Variants in TCERG1 observed in about 807,000 individuals in gnomAD.
TCERG1 encodes the protein transcription elongation regulator 1.
A neutral mutation model predicts 144.7 loss-of-function variants in TCERG1; 37 were observed. The observed-to-expected ratio is 0.26, with a 90% confidence interval of 0.20 to 0.34. The LOEUF is 0.34. Among genes scored for constraint, TCERG1 ranks in the 10% least tolerant of loss-of-function variants. The probability of loss-of-function intolerance (pLI) is 1.00; values close to 1 mark genes in which losing one functional copy is unlikely to be tolerated. For missense variants in TCERG1, 1,027 were observed against 1,380.7 expected (o/e 0.74, Z 4.06); for synonymous variants, 492 against 458.2 (o/e 1.07, Z -0.94).
rs1351145946 is a variant in TCERG1 at position 146,498,615 on chromosome 5, G to A, written c.2362G>A (p.Ala788Thr). The change falls in exon 17 of 23, where the codon GCC becomes ACC. Residue 788 changes from alanine to threonine, a missense_variant. This residue lies in a region of TCERG1 where 482 missense variants were observed against 632.6 expected (regional missense o/e 0.76). Coordinates refer to ENST00000679501, the MANE Select transcript of TCERG1 (RefSeq NM_001382548.1). ...KAIEKMKDRE[A>T]LFNEFVAAAR... ...AATTGAAAAGATGAAAGACCGAGAA[G>A]CCTTGTTTAATGAGTTTGTGGCCGC... The A allele has an allele frequency of 1.2e-6, 2 of 1,612,274 alleles. No homozygotes were observed. The highest frequency in any genetic ancestry group is 1.3e-5 in the African/African-American group (1 of 74,828).
intron 1 of TCERG1, among the ~76,000 whole-genome samples, chr5:146,451,662 G>A (rs1042728318): frequency 3.3e-5 from 5 of 150,534 alleles, no homozygotes; most frequent in Non-Finnish European, 7.4e-5. Context: ...TCTAACCTTT[G>A]GATTGTAGGA....
chr5:146,467,064 T>TTGA (rs772981832), intron 5 of TCERG1, among the ~76,000 whole-genome samples: 4 of 152,210 alleles, frequency 2.6e-5, no homozygotes, highest in Non-Finnish European at 4.4e-5. Flanking sequence ...ACATATAACT[T>TTGA]TATTCAACAT....
At position 146,509,243 on chromosome 5, in the gene TCERG1, T is replaced by C. The variant is rs773483715; in HGVS notation, c.3144T>C (p.Tyr1048=). 3.1e-6 allele frequency: 5 copies of C among 1,597,248 alleles called. No individual in the cohort carries two copies. Among genetic ancestry groups the C allele is most frequent in the East Asian group, 2.2e-5 (1 of 44,622 alleles). Residue 1048 remains tyrosine (Y), a splice_region_variant and synonymous_variant, in exon 22 of 23, where the codon TAT becomes TAC. Coordinates refer to ENST00000679501, the MANE Select transcript of TCERG1 (RefSeq NM_001382548.1). The part of the protein sequence containing the change: ...TLLKETKFIT[Y]RSKKLIQESD... The stretch of plus-strand genomic sequence containing the variant: ...TGAAAGAGACCAAATTTATAACATA[T>C]AGGTGTGTGCAATGAAATGTTTCAT...
rs888480074 is a variant in TCERG1, at chr5:146,503,522, A to G, written c.2581A>G (p.Ile861Val). ...GAGAGAAGACCTTTTCAAACAGTAC[A>G]TTGAAAAAATAGCCAAGGTAACTGT... The part of the protein sequence containing the change: ...SMREDLFKQY[I>V]EKIAKNLDSE... Residue 861 changes from isoleucine (I) to valine (V), a missense_variant, in exon 18 of 23, where the codon ATT (isoleucine) becomes GTT (valine). Ile to Val is a conservative substitution (Grantham distance 29, BLOSUM62 3). This residue lies in a region of TCERG1 where 482 missense variants were observed against 632.6 expected (regional missense o/e 0.76). Transcript: ENST00000679501. 3.1e-6 allele frequency: 5 copies of G among 1,613,478 alleles called. No homozygotes were observed. Among genetic ancestry groups the G allele is most frequent in the East Asian group, 2.2e-5 (1 of 44,836 alleles).
Position 146,452,987 on chromosome 5 carries a change from A to G in TCERG1, c.60-2069A>G, listed in dbSNP as rs1309252260. On this transcript the variant is annotated intron_variant, in intron 1 of 22. Coordinates refer to ENST00000679501, the MANE Select transcript of TCERG1 (RefSeq NM_001382548.1). Reference sequence around the variant, plus strand: ...CTATAAACTGAGATTAATAGTATCCATCTCATTGGGTTGTTTTGATGATTA... The same window carrying G: ...CTATAAACTGAGATTAATAGTATCCGTCTCATTGGGTTGTTTTGATGATTA... 2.0e-5 allele frequency among the ~76,000 whole-genome samples: 3 copies of G among 152,188 alleles called. No homozygotes were observed. The East Asian group carries it at 5.8e-4, about 29-fold the overall frequency.
rs1761951170 is a variant in TCERG1, at chr5:146,447,423, C to T, written c.59+15C>T. ...GGGGAGCTCAGGTAAGGAACGCTGC[C>T]CTCCTTCACATCTCTGCTCACGAGA... On this transcript the variant is annotated intron_variant, in intron 1 of 22. Transcript: ENST00000679501. 1.2e-6 allele frequency: 2 copies of T among 1,609,560 alleles called. No homozygotes were observed. The highest frequency in any genetic ancestry group is 2.2e-5 in the South Asian group (2 of 90,270).
Position 146,507,283 on chromosome 5 carries a change from G to A in TCERG1, c.2961+76G>A. The stretch of plus-strand genomic sequence containing the variant: ...ATTTCTTAAAGCAAAGCATTGATAT[G>A]ATTTTTAGTGTCATGGTCTTTAGAT... On this transcript the variant is annotated intron_variant, in intron 20 of 22. Transcript: ENST00000679501. This position sits in a 1 kb window ranked among gnomAD's most constrained non-coding sequence, Gnocchi z 4.6. The A allele has an allele frequency of 7.4e-7, 1 of 1,348,940 alleles. No individual in the cohort carries two copies. Among genetic ancestry groups the A allele is most frequent in the Non-Finnish European group, 1.0e-6 (1 of 1,000,552 alleles). The allele number at this position is 1,348,940 out of a possible 1,614,324, so 83.6% of individuals were successfully genotyped here. A position where few individuals can be genotyped will look rare whatever the true frequency, so the allele number is the denominator to read the frequency against.
intron 10 of TCERG1, 75 bp from the exon 11 acceptor site, chr5:146,479,780 A>ATT: frequency 7.0e-7 from 1 of 1,432,470 alleles, no homozygotes; most frequent in South Asian, 1.2e-5. Context: ...TTATGTAAAC[A>ATT]GTAATTTTTA....
At chr5:146,479,422 AC>A (rs1256666612) in intron 10 of TCERG1, among the ~76,000 whole-genome samples, 1 of 152,168 alleles carries the variant, frequency 6.6e-6, no homozygotes, top group East Asian at 1.9e-4. Context: ...TGCTGAAGGT[AC>A]TAGGCTCACC....
At chr5:146,459,472 C>G (rs2150271287) in intron 4 of TCERG1, 135 bp downstream of exon 4, 2 of 1,453,894 alleles carry the variant, frequency 1.4e-6, no homozygotes, top group Non-Finnish European at 1.8e-6. Context: ...ATTTTTGACA[C>G]TAAAACTTTT....
Position 146,507,326 on chromosome 5 carries a change from C to CTT in TCERG1, c.2961+120_2961+121dup, listed in dbSNP as rs1768096102. ...CTTTAGATTCATTACTGGAATGCAT[C>CTT]TTATGACAATTCTCTGATTTTAAAA... is the stretch of plus-strand genomic sequence containing the variant. On this transcript the variant is annotated intron_variant, in intron 20 of 22. Coordinates refer to ENST00000679501, the MANE Select transcript of TCERG1 (RefSeq NM_001382548.1). The surrounding 1 kb of genome is among the most constrained non-coding windows in gnomAD (Gnocchi z 4.6). 2.2e-6 allele frequency: 2 copies of CTT among 910,612 alleles called. No homozygotes were observed. Among genetic ancestry groups the CTT allele is most frequent in the Non-Finnish European group, 3.2e-6 (2 of 632,206 alleles). The allele number at this position is 910,612 out of a possible 1,614,324, so 56.4% of individuals were successfully genotyped here. A position where few individuals can be genotyped will look rare whatever the true frequency, so the allele number is the denominator to read the frequency against.
chr5:146,464,951 T>C (rs1763644826), intron 5 of TCERG1, among the ~76,000 whole-genome samples: 1 of 152,206 alleles, frequency 6.6e-6, no homozygotes, highest in East Asian at 1.9e-4. Context: ...TCAGGTTTTT[T>C]TTTTAATTTG....
chr5:146,493,013 A>G lies in TCERG1; in HGVS notation c.2257A>G (p.Met753Val). ...AGCCAAGGAAGATTTCAAAAAAATG[A>G]TGGAAGAAGCAAAATTTAATCCAAG... ...MQAKEDFKKM[M>V]EEAKFNPRAT... is the part of the protein sequence containing the mutation. Residue 753 changes from methionine (M) to valine (V), a missense_variant, in exon 16 of 23, where the codon ATG becomes GTG. By Grantham distance (21) the Met-to-Val change is conservative. Transcript: ENST00000679501. 1.2e-6 allele frequency: 2 copies of G among 1,604,962 alleles called. No homozygotes were observed. The highest frequency in any genetic ancestry group is 1.1e-5 in the South Asian group (1 of 88,848).
chr5:146,455,162 A>T lies in TCERG1; in HGVS notation c.166A>T (p.Met56Leu). The part of the protein sequence containing the change: ...LMRPPPPFGM[M>L]RGPPPPPRPP... The stretch of plus-strand genomic sequence containing the variant: ...GCGACCTCCTCCACCTTTTGGTATG[A>T]TGCGAGGCCCTCCTCCACCACCACG... Residue 56 changes from methionine (M) to leucine (L), a missense_variant, in exon 2 of 23, where the codon ATG (methionine) becomes TTG (leucine). Physicochemically the swap from Met to Leu is conservative, Grantham distance 15 (BLOSUM62 2). Around this residue, in one of 6 missense-constraint regions of TCERG1, gnomAD observed 175 missense variants for 197.0 expected, o/e 0.89. Coordinates refer to ENST00000679501, the MANE Select transcript of TCERG1 (RefSeq NM_001382548.1). The T allele has an allele frequency of 6.2e-7, 1 of 1,614,172 alleles. No homozygotes were observed. The highest frequency in any genetic ancestry group is 8.5e-7 in the Non-Finnish European group (1 of 1,180,036).
chr5:146,476,552 T>A (rs1242140111), intron 9 of TCERG1, among the ~76,000 whole-genome samples: 4 of 151,988 alleles, frequency 2.6e-5, no homozygotes, highest in Non-Finnish European at 5.9e-5. Context: ...CAGGCTCATT[T>A]AAAAAAAATA....
In TCERG1 at chr5:146,495,374, T is replaced by A. The variant is rs80292075; in HGVS notation, c.2282+2336T>A. 1.8e-3 allele frequency among the ~76,000 whole-genome samples: 274 copies of A among 152,316 alleles called. 5 individuals carry two copies. In the East Asian group the frequency reaches 0.035, roughly 19 times the overall value. The stretch of plus-strand genomic sequence containing the variant: ...GGATGCCCAACCTGTAGTTGCTTTT[T>A]CTATCTTAAAATTATAAACTGAAGG... On this transcript the variant is annotated intron_variant, in intron 16 of 22. Transcript: ENST00000679501.
chr5:146,449,019 A>G (rs1762134631), intron 1 of TCERG1, among the ~76,000 whole-genome samples: 1 of 152,198 alleles, frequency 6.6e-6, no homozygotes, highest in African/African-American at 2.4e-5. Flanking sequence ...CCCTGTTGCA[A>G]ATATTTTATA....
intron 15 of TCERG1, among the ~76,000 whole-genome samples, chr5:146,487,959 C>T (rs1450995634): frequency 6.6e-6 from 1 of 152,006 alleles, no homozygotes; most frequent in Non-Finnish European, 1.5e-5. Flanking sequence ...TATCTATAGG[C>T]AACTTATTTT....
rs775829176 is a variant in TCERG1, at chr5:146,469,674, G to A, written c.1329G>A (p.Gly443=). 2 of 1,612,930 alleles carry A rather than the reference G, an allele frequency of 1.2e-6. No individual in the cohort carries two copies. The highest frequency in any genetic ancestry group is 2.2e-5 in the South Asian group (2 of 90,896). The stretch of plus-strand genomic sequence containing the variant: ...GGACTGAATATAAAACAGCAGATGG[G>A]AAGACATATTATTATAATAATAGAA... ...SEWTEYKTAD[G]KTYYYNNRTL... Residue 443 remains glycine, a synonymous_variant, in exon 7 of 23, where the codon GGG becomes GGA. Transcript: ENST00000679501.
Sources: gnomAD v4.1 joint callset for allele counts (sites outside exome capture counted in the v4.1 genomes callset) on GRCh38, gnomAD v4.1.1 for gene constraint, gnomAD v4.1.1 regional missense constraint, Gnocchi (gnomAD v3.1) non-coding constraint, MANE v1.5 for transcripts, NCBI Gene and HGNC (gene_info 2026-07-23, HGNC 2026-07-21) for gene names.